The following AUNIP variants were observed in gnomAD, a reference collection of about 807,000 sequenced individuals.
AUNIP encodes the protein aurora kinase A and ninein interacting protein, also known as aurora kinase A- and ninein-interacting protein.
Under a neutral mutation model 12.2 loss-of-function variants are expected in AUNIP, and 16 were observed. The ratio of observed to expected loss-of-function variants is 1.31; its 90% CI spans 0.88 to 1.99. The LOEUF is 1.99. AUNIP is among the 30% of genes most tolerant of loss of function. The pLI is 0.00. For synonymous variants in AUNIP, 142 were observed against 154.8 expected (o/e 0.92, Z 0.61); for missense variants, 411 against 419.1 (o/e 0.98, Z 0.17).
downstream of AUNIP, among the ~76,000 whole-genome samples, chr1:25,833,557 C>T (rs2048272238): frequency 6.6e-6 from 1 of 151,960 alleles, no homozygotes; most frequent in Non-Finnish European, 1.5e-5. Context: ...TCAAGATCAG[C>T]CTGGGCAACA....
chr1:25,837,382 T>A (rs201126518), intron 2 of AUNIP, 31 bp downstream of exon 2: 2 of 1,601,756 alleles, frequency 1.2e-6, no homozygotes, highest in Non-Finnish European at 1.7e-6. Flanking sequence ...TTGCTCTGGA[T>A]AATGAAGTAT....
At chr1:25,848,483 C>T (rs1052536511) in intron 1 of AUNIP, among the ~76,000 whole-genome samples, 2 of 62,474 alleles carry the variant, frequency 3.2e-5, no homozygotes, top group African/African-American at 5.6e-5. Flanking sequence ...AACTCCGTCT[C>T]AAAAAAAAAA....
Position 25,853,348 on chromosome 1 carries a change from G to C in AUNIP, c.78+5932C>G, listed in dbSNP as rs796886900. ...GTGGTGGCTCATGCCTGTAATCCCAGCACTTTGGGTGGCGGAGGCAGGTGG... is the reference window on the plus strand; with the variant it reads ...GTGGTGGCTCATGCCTGTAATCCCACCACTTTGGGTGGCGGAGGCAGGTGG... On this transcript the variant is annotated intron_variant, in intron 1 of 2. Coordinates refer to ENST00000374298, the MANE Select transcript of AUNIP (RefSeq NM_024037.3). Among the ~76,000 whole-genome samples the C allele has an allele frequency of 4.4e-4, 67 of 152,200 alleles. 1 individual carries two copies. Among genetic ancestry groups the C allele is most frequent in the African/African-American group, 1.4e-3 (60 of 41,528 alleles).
At chr1:25,856,354 A>T (rs1304088365) in intron 1 of AUNIP, among the ~76,000 whole-genome samples, 1 of 145,964 alleles carries the variant, frequency 6.9e-6, no homozygotes, top group Non-Finnish European at 1.5e-5. Context: ...ACAGAGCAAG[A>T]CTCCATCTCA....
rs2048287144 is a variant in AUNIP, at chr1:25,834,939, T to G, written c.*54A>C. On this transcript the variant is annotated 3_prime_UTR_variant, in exon 3 of 3. Coordinates refer to ENST00000374298, the MANE Select transcript of AUNIP (RefSeq NM_024037.3). ...ACTCCTCTCTCCACCCACAACTATA[T>G]TTTCCTACATCTCTATCATTTCAAG... is the stretch of plus-strand genomic sequence containing the variant. The G allele has an allele frequency of 6.4e-7, 1 of 1,551,716 alleles. No individual in the cohort carries two copies. The highest frequency in any genetic ancestry group is 8.7e-7 in the Non-Finnish European group (1 of 1,152,158).
intron 1 of AUNIP, among the ~76,000 whole-genome samples, chr1:25,840,220 T>G (rs1220414960): frequency 6.6e-6 from 1 of 150,882 alleles, no homozygotes; most frequent in African/African-American, 2.4e-5. Context: ...GGTGAGAAAA[T>G]AGAAGATATA....
intron 1 of AUNIP, among the ~76,000 whole-genome samples, chr1:25,840,313 C>A (rs1447934548): frequency 6.6e-6 from 1 of 151,770 alleles, no homozygotes; most frequent in Non-Finnish European, 1.5e-5. Context: ...AATAGTAACA[C>A]AAACTATACA....
At chr1:25,858,823 AG>A (rs140458017) in intron 1 of AUNIP, among the ~76,000 whole-genome samples, 1 of 152,288 alleles carries the variant, frequency 6.6e-6, no homozygotes, top group East Asian at 1.9e-4. Flanking sequence ...GGTTCTGGGC[AG>A]GTAGTTGGCC....
intron 1 of AUNIP, among the ~76,000 whole-genome samples, chr1:25,841,935 C>T (rs2048350310): frequency 6.6e-6 from 1 of 152,202 alleles, no homozygotes; most frequent in Non-Finnish European, 1.5e-5. Flanking sequence ...GACTGTTCCA[C>T]TCACTGGCCA....
intron 1 of AUNIP, among the ~76,000 whole-genome samples, chr1:25,852,383 T>G (rs1458003717): frequency 1.3e-5 from 2 of 152,100 alleles, no homozygotes; most frequent in Admixed American, 6.5e-5. Context: ...TTCCTTCTGG[T>G]CACTATGGGT....
chr1:25,835,495 TTTTC>T lies in AUNIP; in HGVS notation c.568_571del (p.Glu190LysfsTer36), dbSNP rs1427968329. 1 of 1,614,230 alleles carries T rather than the reference TTTTC, an allele frequency of 6.2e-7. No individual in the cohort carries two copies. Among genetic ancestry groups the T allele is most frequent in the Admixed American group, 1.7e-5 (1 of 60,022 alleles). ...TTCCCATTTCCTGGCAGAATCCCCT[TTTTC>T]TTCCTTTCGGTCTAGCAAACAAGAA... On this transcript the variant is annotated frameshift_variant, in exon 3 of 3. Transcript: ENST00000374298. LOFTEE classifies it low-confidence loss of function (END_TRUNC).
At position 25,854,342 on chromosome 1, in the gene AUNIP, C is replaced by T. The variant is rs557057152; in HGVS notation, c.78+4938G>A. On this transcript the variant is annotated intron_variant, in intron 1 of 2. Coordinates refer to ENST00000374298, the MANE Select transcript of AUNIP (RefSeq NM_024037.3). ...ATATTTTGAAACCATCACAGTCCACCTTCTGGCCCAAATTACTTACATTCT... is the reference window on the plus strand; with the variant it reads ...ATATTTTGAAACCATCACAGTCCACTTTCTGGCCCAAATTACTTACATTCT... 3.9e-5 allele frequency among the ~76,000 whole-genome samples: 6 copies of T among 152,244 alleles called. No homozygotes were observed. The South Asian group carries it at 1.0e-3, about 26-fold the overall frequency.
Position 25,834,934 on chromosome 1 carries a change from C to A in AUNIP, c.*59G>T. The A allele has an allele frequency of 6.5e-7, 1 of 1,547,842 alleles. No individual in the cohort carries two copies. The highest frequency in any genetic ancestry group is 8.7e-7 in the Non-Finnish European group (1 of 1,150,454). On this transcript the variant is annotated 3_prime_UTR_variant, in exon 3 of 3. Coordinates refer to ENST00000374298, the MANE Select transcript of AUNIP (RefSeq NM_024037.3). ...AACTCACTCCTCTCTCCACCCACAA[C>A]TATATTTTCCTACATCTCTATCATT...
Position 25,859,427 on chromosome 1 carries a change from G to C in AUNIP, c.-70C>G, listed in dbSNP as rs1228082207. The C allele has an allele frequency of 5.1e-6, 7 of 1,369,066 alleles. No homozygotes were observed. The South Asian group carries it at 1.0e-4, about 20-fold the overall frequency. 84.8% of individuals were successfully genotyped at this position (1,369,066 alleles called of 1,614,324 possible). On this transcript the variant is annotated 5_prime_UTR_variant, in exon 1 of 3. Transcript: ENST00000374298. Reference sequence around the variant, plus strand: ...CGGCGCCTCAGGGAACGCCAGAACCGCGGCCGCCGACGTTCGGATCTCGCG... The same window carrying C: ...CGGCGCCTCAGGGAACGCCAGAACCCCGGCCGCCGACGTTCGGATCTCGCG...
intron 1 of AUNIP, among the ~76,000 whole-genome samples, chr1:25,840,215 G>A (rs971366963): frequency 2.0e-5 from 3 of 151,866 alleles, no homozygotes; most frequent in Non-Finnish European, 2.9e-5. Flanking sequence ...AATAAGGTGA[G>A]AAAATAGAAG....
intron 1 of AUNIP, among the ~76,000 whole-genome samples, chr1:25,853,334 T>A (rs1324716387): frequency 6.6e-6 from 1 of 152,156 alleles, no homozygotes; most frequent in East Asian, 1.9e-4. Context: ...TGGTGGCTCA[T>A]GCCTGTAATC....
At chr1:25,845,230 C>T (rs1321360281) in intron 1 of AUNIP, among the ~76,000 whole-genome samples, 1 of 152,156 alleles carries the variant, frequency 6.6e-6, no homozygotes, top group Non-Finnish European at 1.5e-5. Flanking sequence ...ATTCATCCCC[C>T]ACATAACTTC....
At chr1:25,844,944 A>C (rs1572264045) in intron 1 of AUNIP, among the ~76,000 whole-genome samples, 1 of 152,168 alleles carries the variant, frequency 6.6e-6, no homozygotes, top group East Asian at 1.9e-4. Context: ...GGATGACGCT[A>C]CCTCATAAGC....
At chr1:25,836,318 C>T (rs74952289) in intron 2 of AUNIP, among the ~76,000 whole-genome samples, 1,819 of 152,294 alleles carry the variant, frequency 0.012, 37 homozygotes, top group African/African-American at 0.041. Context: ...ATGACATTAA[C>T]TATCCAACTC....
Sources: gnomAD v4.1 joint callset for allele counts (sites outside exome capture counted in the v4.1 genomes callset) on GRCh38, gnomAD v4.1.1 for gene constraint, MANE v1.5 for transcripts, NCBI Gene and HGNC (gene_info 2026-07-23, HGNC 2026-07-21) for gene names.